Variants in CAPG observed in about 807,000 individuals in gnomAD.
CAPG encodes macrophage-capping protein.
In CAPG, 32 loss-of-function variants were observed where a neutral mutation model predicts 44.6. The observed-to-expected ratio is 0.72, with a 90% CI of 0.54 to 0.96. The LOEUF is 0.96. Among genes scored for constraint, CAPG ranks in the 50% least tolerant of loss-of-function variants. CAPG has a pLI of 0.00. For synonymous variants in CAPG, 175 were observed against 179.6 expected, an observed-to-expected ratio of 0.97 and a Z score of 0.20; for missense variants, 412 against 438.3, an observed-to-expected ratio of 0.94 and a Z score of 0.54.
At chr2:85,408,379 C>CACACA (rs1414612076) in intron 1 of CAPG, among the ~76,000 whole-genome samples, 5 of 146,264 alleles carry the variant, frequency 3.4e-5, no homozygotes, top group African/African-American at 1.2e-4. Context: ...CACACACACA[C>CACACA]AAGCCCCCTT....
chr2:85,394,153 G>A (rs1398520564), downstream of CAPG, among the ~76,000 whole-genome samples: 1 of 152,212 alleles, frequency 6.6e-6, no homozygotes, highest in Non-Finnish European at 1.5e-5. Context: ...TAGCTCTCTA[G>A]CCTCTGACAT....
chr2:85,402,247 G>A (rs1686939081), intron 1 of CAPG, 89 bp from the exon 2 acceptor site: 1 of 994,740 alleles, frequency 1.0e-6, no homozygotes, highest in East Asian at 2.6e-5. Context: ...CAGTGGCCAA[G>A]TACTTTCATA....
chr2:85,412,103 A>C (rs187509321), upstream of CAPG, among the ~76,000 whole-genome samples: 2 of 152,132 alleles, frequency 1.3e-5, no homozygotes, highest in East Asian at 3.9e-4. Context: ...TTCTCATTGA[A>C]ACGAAATTGA....
chr2:85,394,200 G>A (rs1686483385), downstream of CAPG, among the ~76,000 whole-genome samples: 1 of 152,216 alleles, frequency 6.6e-6, no homozygotes, highest in African/African-American at 2.4e-5. Flanking sequence ...AATGAACTAA[G>A]GTCTAGCAAA....
intron 5 of CAPG, among the ~76,000 whole-genome samples, chr2:85,399,697 C>T (rs897116172): frequency 1.3e-5 from 2 of 151,792 alleles, no homozygotes; most frequent in South Asian, 2.1e-4. Context: ...ACTATGTTGC[C>T]CAGGCTGGTT....
upstream of CAPG, among the ~76,000 whole-genome samples, chr2:85,413,480 T>A (rs76930705): frequency 0.024 from 3,729 of 152,232 alleles, 73 homozygotes; most frequent in African/African-American, 0.054. Flanking sequence ...CTCGGGAGGC[T>A]AAGGCAGGAG....
chr2:85,415,293 G>A (rs1320484126), upstream of CAPG, among the ~76,000 whole-genome samples: 3 of 152,174 alleles, frequency 2.0e-5, no homozygotes, highest in East Asian at 1.9e-4. Flanking sequence ...AGGCACACCC[G>A]ATAGCAAAAG....
chr2:85,391,699 G>A (rs1476017507), downstream of CAPG: 1 of 152,710 alleles, frequency 6.5e-6, no homozygotes, highest in Non-Finnish European at 1.5e-5. Context: ...CCTAATTGAG[G>A]GAAGGAGGAA....
chr2:85,398,986 G>A, intron 6 of CAPG, 150 bp downstream of exon 6: 1 of 947,562 alleles, frequency 1.1e-6, no homozygotes, highest in East Asian at 2.6e-5. Flanking sequence ...TACCCAGAGG[G>A]GCACCCTGTG....
At position 85,401,819 on chromosome 2, in the gene CAPG, G is replaced by C. The variant is rs1220874779; in HGVS notation, c.162C>G (p.Gly54=). The part of the protein sequence containing the change: ...SGDSYLVLHN[G]PEEVSHLHLW... ...GGTGCAGATGGGAAACCTCTTCTGG[G>C]CCATTGTGCAGCACTAGGTAGGAGT... The change falls in exon 3 of 10, where the codon GGC becomes GGG. Residue 54 remains glycine (G), a synonymous_variant. Coordinates refer to ENST00000263867, the MANE Select transcript of CAPG (RefSeq NM_001747.4). The C allele has an allele frequency of 6.2e-7, 1 of 1,614,070 alleles. No homozygotes were observed. The highest frequency in any genetic ancestry group is 8.5e-7 in the Non-Finnish European group (1 of 1,180,000).
chr2:85,399,412 G>T, intron 5 of CAPG, 127 bp from the exon 6 acceptor site: 1 of 941,726 alleles, frequency 1.1e-6, no homozygotes, highest in Non-Finnish European at 1.6e-6. Context: ...AACCAGGAAG[G>T]CAGAGCACAG....
intron 1 of CAPG, among the ~76,000 whole-genome samples, 160 bp downstream of exon 1, chr2:85,410,157 C>T (rs1319802129): frequency 6.6e-6 from 1 of 152,238 alleles, no homozygotes; most frequent in East Asian, 1.9e-4. Context: ...GGGGGAACTC[C>T]ACCCTGGCAC....
At chr2:85,399,566 C>G (rs1686780242) in intron 5 of CAPG, among the ~76,000 whole-genome samples, 1 of 152,184 alleles carries the variant, frequency 6.6e-6, no homozygotes, top group Non-Finnish European at 1.5e-5. Context: ...TCATGGCTCA[C>G]TGCAGCCTTG....
chr2:85,415,714 G>A (rs1687537497), intron 1 of CAPG, among the ~76,000 whole-genome samples: 1 of 152,164 alleles, frequency 6.6e-6, no homozygotes, highest in African/African-American at 2.4e-5. Context: ...TTCTAATACT[G>A]CCCAGATTCT....
At chr2:85,416,877 A>G (rs1419708714) in intron 1 of CAPG, among the ~76,000 whole-genome samples, 1 of 152,200 alleles carries the variant, frequency 6.6e-6, no homozygotes, top group Non-Finnish European at 1.5e-5. Flanking sequence ...TTTGCAAATG[A>G]ATTTTTCTGG....
In CAPG at chr2:85,394,935, A is replaced by T; in HGVS notation, c.1005T>A (p.His335Gln). ...AAAATTGCTTGAAGATGGGACTCTCATGGCCCTGAGGCAGAATCTCCACCT... is the reference window on the plus strand; with the variant it reads ...AAAATTGCTTGAAGATGGGACTCTCTTGGCCCTGAGGCAGAATCTCCACCT... ...NTQVEILPQGHESPIFKQFFK... is the reference protein window; with the variant it reads ...NTQVEILPQGQESPIFKQFFK... The change falls in exon 10 of 10, where the codon CAT (histidine) becomes CAA (glutamine). Residue 335 changes from histidine to glutamine, a missense_variant. Coordinates refer to ENST00000263867, the MANE Select transcript of CAPG (RefSeq NM_001747.4). The T allele has an allele frequency of 4.3e-6, 7 of 1,613,428 alleles. No individual in the cohort carries two copies. Among genetic ancestry groups the T allele is most frequent in the Non-Finnish European group, 5.9e-6 (7 of 1,179,374 alleles).
At position 85,415,876 on chromosome 2, in the gene CAPG, G is replaced by T. The variant is rs1372259480; in HGVS notation, c.-14+2391C>A. 2.0e-5 allele frequency among the ~76,000 whole-genome samples: 3 copies of T among 151,872 alleles called. 1 individual carries two copies. In the South Asian group the frequency reaches 6.2e-4, roughly 31 times the overall value. On this transcript the variant is annotated intron_variant, in intron 1 of 5. Coordinates refer to the CAPG transcript ENST00000409275. ...TTTTTCTTTTTTTTTAAGAGACAGGGTCTCACTCTGTCACCTAGGCTCTGG... is the reference window on the plus strand; with the variant it reads ...TTTTTCTTTTTTTTTAAGAGACAGGTTCTCACTCTGTCACCTAGGCTCTGG...
downstream of CAPG, among the ~76,000 whole-genome samples, chr2:85,392,119 A>G (rs1214025134): frequency 1.3e-5 from 2 of 152,220 alleles, no homozygotes; most frequent in African/African-American, 2.4e-5. Context: ...GACTGGGCGC[A>G]GTGGCTCACG....
chr2:85,393,668 G>T (rs540905989), downstream of CAPG, among the ~76,000 whole-genome samples: 1 of 152,122 alleles, frequency 6.6e-6, no homozygotes, highest in South Asian at 2.1e-4. Flanking sequence ...GGGTTTAAGC[G>T]ATTCTCCTGC....
Sources: allele counts gnomAD v4.1 joint callset (sites outside exome capture counted in the v4.1 genomes callset), GRCh38; gene constraint gnomAD v4.1.1; transcripts MANE v1.5; gene names NCBI Gene and HGNC (gene_info 2026-07-23, HGNC 2026-07-21).